Variants in RBFOX1 observed in about 807,000 individuals in gnomAD.
The protein encoded by RBFOX1 is RNA binding fox-1 homolog 1.
A neutral mutation model predicts 57.7 loss-of-function variants in RBFOX1; 8 were observed. The ratio of observed to expected loss-of-function variants is 0.14; its 90% CI spans 0.08 to 0.25. The LOEUF is 0.25. Among genes scored for constraint, RBFOX1 ranks in the 10% least tolerant of loss-of-function variants. RBFOX1 has a pLI of 1.00. For synonymous variants in RBFOX1, 326 were observed against 222.4 expected, an observed-to-expected ratio of 1.47 and a Z score of -4.15; for missense variants, 611 against 548.5, an observed-to-expected ratio of 1.11 and a Z score of -1.14.
At chr16:7,208,182 T>A (rs187313134) in intron 4 of RBFOX1, among the ~76,000 whole-genome samples, 1 of 152,268 alleles carries the variant, frequency 6.6e-6, no homozygotes, top group Admixed American at 6.5e-5. Flanking sequence ...GGCTGAGGTA[T>A]GAAACTGTAG....
chr16:7,141,711 C>T (rs969698086), intron 4 of RBFOX1, among the ~76,000 whole-genome samples: 2 of 152,096 alleles, frequency 1.3e-5, no homozygotes, highest in African/African-American at 4.8e-5. Context: ...ATCCCTTCTT[C>T]TCCTTTACCT....
At chr16:6,609,565 T>C (rs2154023102) in intron 2 of RBFOX1, among the ~76,000 whole-genome samples, 1 of 152,022 alleles carries the variant, frequency 6.6e-6, no homozygotes, top group East Asian at 1.9e-4. Context: ...GCTGGTATGA[T>C]TTTTCTAAAA....
chr16:5,420,134 A>T (rs552155416), intron 1 of RBFOX1, among the ~76,000 whole-genome samples: 55 of 152,298 alleles, frequency 3.6e-4, no homozygotes, highest in African/African-American at 1.3e-3. Context: ...CAGTGACGGG[A>T]AAGTAATATA....
At chr16:7,666,712 A>G (rs552238481) in intron 13 of RBFOX1, among the ~76,000 whole-genome samples, 145 of 152,336 alleles carry the variant, frequency 9.5e-4, no homozygotes, top group African/African-American at 3.5e-3. Context: ...AGCAATGCAA[A>G]TAGAGAAAAA....
intron 4 of RBFOX1, among the ~76,000 whole-genome samples, chr16:7,147,402 C>G (rs1299663606): frequency 1.3e-5 from 2 of 151,958 alleles, no homozygotes; most frequent in East Asian, 2.0e-4. Flanking sequence ...GTTTGGTAGA[C>G]AAATGATCCT....
chr16:6,881,714 G>T (rs890595193), intron 3 of RBFOX1, among the ~76,000 whole-genome samples: 7 of 152,078 alleles, frequency 4.6e-5, no homozygotes, highest in South Asian at 2.1e-4. Flanking sequence ...GAATTTGCGG[G>T]GACAATTTAA....
intron 1 of RBFOX1, among the ~76,000 whole-genome samples, chr16:6,205,979 T>A (rs2097252909): frequency 6.7e-6 from 1 of 149,620 alleles, no homozygotes; most frequent in East Asian, 2.0e-4. Flanking sequence ...AGATCTGGAG[T>A]ATATGTATTC....
At chr16:6,518,347 G>C (rs539536022) in intron 2 of RBFOX1, among the ~76,000 whole-genome samples, 1 of 152,310 alleles carries the variant, frequency 6.6e-6, no homozygotes, top group East Asian at 1.9e-4. Context: ...GACAAACTGA[G>C]AGATTCATGG....
At position 6,729,550 on chromosome 16, in the gene RBFOX1, G is replaced by A. The variant is rs544760675; in HGVS notation, c.-16+74900G>A. On this transcript the variant is annotated intron_variant, in intron 3 of 15. Coordinates refer to ENST00000550418, the MANE Select transcript of RBFOX1 (RefSeq NM_018723.4). ...ATGTTTATATACAGCTGCCTGGAAA[G>A]CCTAATACTTCTGTCTCTGGGAATA... 2.0e-5 allele frequency among the ~76,000 whole-genome samples: 3 copies of A among 152,280 alleles called. No individual in the cohort carries two copies. The South Asian group carries it at 6.2e-4, about 32-fold the overall frequency.
chr16:6,170,123 C>T (rs1362094147), intron 1 of RBFOX1, among the ~76,000 whole-genome samples: 1 of 152,136 alleles, frequency 6.6e-6, no homozygotes, highest in Non-Finnish European at 1.5e-5. Flanking sequence ...GAGTCCTTCT[C>T]AGGCCACATT....
At chr16:6,378,054 G>C (rs1476868355) in intron 2 of RBFOX1, among the ~76,000 whole-genome samples, 1 of 152,182 alleles carries the variant, frequency 6.6e-6, no homozygotes, top group Non-Finnish European at 1.5e-5. Flanking sequence ...TAGCATCCTG[G>C]ATAGGCCGTG....
chr16:5,491,537 A>G (rs867367473), intron 2 of RBFOX1, among the ~76,000 whole-genome samples: 6 of 152,230 alleles, frequency 3.9e-5, no homozygotes, highest in African/African-American at 1.4e-4. Context: ...AATATATTAT[A>G]GAATATTTAT....
chr16:7,154,931 G>A (rs137989657), intron 4 of RBFOX1, among the ~76,000 whole-genome samples: 1 of 152,176 alleles, frequency 6.6e-6, no homozygotes, highest in East Asian at 1.9e-4. Context: ...ATGAGTGAGA[G>A]AATAGGGATG....
At chr16:6,696,507 T>C (rs919896706) in intron 3 of RBFOX1, among the ~76,000 whole-genome samples, 5 of 152,190 alleles carry the variant, frequency 3.3e-5, no homozygotes, top group Non-Finnish European at 5.9e-5. Context: ...CAGTTTTTCA[T>C]TGTAGCCGAA....
chr16:7,623,927 T>C (rs143852283), intron 10 of RBFOX1, among the ~76,000 whole-genome samples: 46 of 152,308 alleles, frequency 3.0e-4, no homozygotes, highest in African/African-American at 1.1e-3. Context: ...TTTAAAGATC[T>C]CTCTGCAAGT....
At chr16:7,415,412 T>G (rs2098468904) in intron 4 of RBFOX1, among the ~76,000 whole-genome samples, 1 of 152,310 alleles carries the variant, frequency 6.6e-6, no homozygotes, top group East Asian at 1.9e-4. Flanking sequence ...GTGGTCATGA[T>G]GAACTTCAAG....
chr16:6,080,727 C>G (rs1368691953), intron 1 of RBFOX1, among the ~76,000 whole-genome samples: 1 of 152,120 alleles, frequency 6.6e-6, no homozygotes, highest in African/African-American at 2.4e-5. Flanking sequence ...AAGAGAAATA[C>G]TATTAAAAGA....
At chr16:6,742,405 T>G (rs2072456091) in intron 3 of RBFOX1, among the ~76,000 whole-genome samples, 1 of 152,218 alleles carries the variant, frequency 6.6e-6, no homozygotes, top group African/African-American at 2.4e-5. Context: ...GACACAACTC[T>G]TCTGGCAAAT....
intron 1 of RBFOX1, among the ~76,000 whole-genome samples, chr16:6,186,974 C>T (rs1157136725): frequency 6.6e-6 from 1 of 152,102 alleles, no homozygotes; most frequent in Non-Finnish European, 1.5e-5. Context: ...CCATTGATCT[C>T]TTTATTTGGG....
Sources: gnomAD v4.1 joint callset for allele counts (sites outside exome capture counted in the v4.1 genomes callset) on GRCh38, gnomAD v4.1.1 for gene constraint, MANE v1.5 for transcripts, NCBI Gene and HGNC (gene_info 2026-07-23, HGNC 2026-07-21) for gene names.